CNTN6: variants seen among roughly 807,000 people sequenced by gnomAD.
CNTN6 encodes the protein contactin 6.
In CNTN6, 137 loss-of-function variants were observed where a neutral mutation model predicts 122.8. The observed-to-expected ratio is 1.12, with a 90% CI of 0.97 to 1.29. The LOEUF (loss-of-function observed/expected upper bound fraction) is 1.29. Among genes scored for constraint, CNTN6 ranks in the 50% most tolerant of loss-of-function variants. CNTN6 has a pLI of 0.00. For missense variants in CNTN6, 1,634 were observed against 1,223.4 expected, an observed-to-expected ratio of 1.34 and a Z score of -5.01; for synonymous variants, 570 against 426.0, an observed-to-expected ratio of 1.34 and a Z score of -4.16.
intron 12 of CNTN6, among the ~76,000 whole-genome samples, chr3:1,371,539 C>T (rs547625376): frequency 3.3e-5 from 5 of 152,078 alleles, no homozygotes; most frequent in Middle Eastern, 3.4e-3. Flanking sequence ...GTAGTCATAA[C>T]GATCTACATT....
intron 2 of CNTN6, among the ~76,000 whole-genome samples, chr3:1,163,617 T>G (rs1419777084): frequency 6.6e-6 from 1 of 152,282 alleles, no homozygotes; most frequent in Middle Eastern, 3.4e-3. Flanking sequence ...GAGGTTTTGC[T>G]ATGCTGCCCA....
At position 1,346,991 on chromosome 3, in the gene CNTN6, T is replaced by G. The variant is rs75509566; in HGVS notation, c.1365-5333T>G. 3.3e-4 allele frequency among the ~76,000 whole-genome samples: 50 copies of G among 152,306 alleles called. No individual in the cohort carries two copies. In the East Asian group the frequency reaches 9.3e-3, roughly 28 times the overall value. On this transcript the variant is annotated intron_variant, in intron 11 of 22. Transcript: ENST00000446702. ...TTCCCTGACAGTGGGAAGATTAAAA[T>G]GTCGCATGTTCAGCTGCTCTTTAAA...
At chr3:1,299,134 G>T (rs1696778353) in intron 7 of CNTN6, among the ~76,000 whole-genome samples, 2 of 152,054 alleles carry the variant, frequency 1.3e-5, no homozygotes, top group Admixed American at 6.5e-5. Context: ...TATTTTCATA[G>T]AGTATGGGTC....
intron 17 of CNTN6, 144 bp downstream of exon 17, chr3:1,377,219 A>T: frequency 1.9e-6 from 1 of 533,522 alleles, no homozygotes; most frequent in Non-Finnish European, 3.2e-6. Flanking sequence ...ATGATGAATT[A>T]TTTAGAGGAG....
intron 2 of CNTN6, among the ~76,000 whole-genome samples, chr3:1,155,622 T>C (rs577738903): frequency 3.9e-5 from 6 of 152,344 alleles, no homozygotes; most frequent in African/African-American, 1.4e-4. Flanking sequence ...GAGTAGAACA[T>C]TTAACATACA....
intron 2 of CNTN6, among the ~76,000 whole-genome samples, chr3:1,167,078 G>A (rs930895838): frequency 4.0e-5 from 6 of 150,822 alleles, no homozygotes; most frequent in Non-Finnish European, 8.8e-5. Context: ...GTGGTTGTGA[G>A]AGAACAGTGC....
intron 2 of CNTN6, among the ~76,000 whole-genome samples, chr3:1,187,199 C>T (rs1559478604): frequency 6.6e-6 from 1 of 151,924 alleles, no homozygotes; most frequent in East Asian, 1.9e-4. Context: ...CTTTGGGAGG[C>T]AAGCAACTCA....
At chr3:1,265,904 A>G (rs2094918661) in intron 4 of CNTN6, among the ~76,000 whole-genome samples, 1 of 152,180 alleles carries the variant, frequency 6.6e-6, no homozygotes, top group Non-Finnish European at 1.5e-5. Flanking sequence ...TTTTTTAATG[A>G]GTAAATTTGT....
intron 2 of CNTN6, among the ~76,000 whole-genome samples, chr3:1,196,567 T>C (rs1018658993): frequency 1.3e-5 from 2 of 152,162 alleles, no homozygotes; most frequent in African/African-American, 2.4e-5. Context: ...TGAAGTGTTA[T>C]GATGAGGGTT....
At chr3:1,283,656 A>C (rs1346848701) in intron 5 of CNTN6, among the ~76,000 whole-genome samples, 1 of 152,176 alleles carries the variant, frequency 6.6e-6, no homozygotes, top group African/African-American at 2.4e-5. Context: ...ATGTAGTAAT[A>C]GTTTCACTTT....
chr3:1,121,275 C>T (rs770176372), intron 1 of CNTN6, among the ~76,000 whole-genome samples: 11 of 150,584 alleles, frequency 7.3e-5, no homozygotes, highest in Non-Finnish European at 1.2e-4. Context: ...TTGATAGGAG[C>T]TTCAGGGAAA....
chr3:1,218,423 G>C (rs1459883270), intron 2 of CNTN6, among the ~76,000 whole-genome samples: 3 of 152,246 alleles, frequency 2.0e-5, no homozygotes, highest in Admixed American at 6.5e-5. Flanking sequence ...GGTGAAGGAG[G>C]ACATCCACAC....
chr3:1,150,071 A>G (rs1212039908), intron 2 of CNTN6, among the ~76,000 whole-genome samples: 1 of 145,492 alleles, frequency 6.9e-6, no homozygotes, highest in Non-Finnish European at 1.5e-5. Flanking sequence ...AAGTAGCCAT[A>G]GCTACTTAAA....
At chr3:1,388,851 G>T (rs1179851178) in intron 20 of CNTN6, among the ~76,000 whole-genome samples, 41 of 144,912 alleles carry the variant, frequency 2.8e-4, no homozygotes, top group African/African-American at 1.0e-3. Context: ...AGCAAGAAGG[G>T]AAGTTTAGAG....
chr3:1,140,034 C>T (rs1662238617), intron 1 of CNTN6, among the ~76,000 whole-genome samples: 1 of 152,148 alleles, frequency 6.6e-6, no homozygotes, highest in Admixed American at 6.6e-5. Flanking sequence ...AACAATATCA[C>T]CCACTTATTT....
intron 4 of CNTN6, among the ~76,000 whole-genome samples, chr3:1,272,644 G>A (rs2095045416): frequency 6.6e-6 from 1 of 151,994 alleles, no homozygotes; most frequent in Non-Finnish European, 1.5e-5. Flanking sequence ...AGCTTTTCAG[G>A]TGCTGTCTTC....
At position 1,388,204 on chromosome 3, in the gene CNTN6, G is replaced by T. The variant is rs1297151329; in HGVS notation, c.2704+2407G>T. On this transcript the variant is annotated intron_variant, in intron 20 of 22. Transcript: ENST00000446702. ...AGAGCACTGGTTCTCCCAGCATGCAGCTGGAGATCTGAGAACTGGCACACT... is the reference window on the plus strand; with the variant it reads ...AGAGCACTGGTTCTCCCAGCATGCATCTGGAGATCTGAGAACTGGCACACT... Among the ~76,000 whole-genome samples, 2 of 150,268 alleles carry T rather than the reference G, an allele frequency of 1.3e-5. 1 individual carries two copies. The highest frequency in any genetic ancestry group is 3.0e-5 in the Non-Finnish European group (2 of 67,448).
rs147306241 is a variant in CNTN6 at position 1,366,952 on chromosome 3, A to G, written c.1493-5347A>G. ...TATTTTTCACACTGCAGATAATGGT[A>G]TGTCATCATATCACTCCTCTGCTTC... is the stretch of plus-strand genomic sequence containing the variant. On this transcript the variant is annotated intron_variant, in intron 12 of 22. Coordinates refer to ENST00000446702, the MANE Select transcript of CNTN6 (RefSeq NM_001289080.2). Among the ~76,000 whole-genome samples the G allele has an allele frequency of 1.7e-3, 256 of 152,270 alleles. 1 individual carries two copies. Among genetic ancestry groups the G allele is most frequent in the African/African-American group, 5.8e-3 (242 of 41,550 alleles).
chr3:1,381,970 G>A (rs202094461), intron 17 of CNTN6, among the ~76,000 whole-genome samples: 2 of 152,060 alleles, frequency 1.3e-5, no homozygotes, highest in Non-Finnish European at 2.9e-5. Flanking sequence ...CAAGTGGCAA[G>A]TAGATAGTGT....
Sources: allele counts gnomAD v4.1 joint callset (sites outside exome capture counted in the v4.1 genomes callset), GRCh38; gene constraint gnomAD v4.1.1; transcripts MANE v1.5; gene names NCBI Gene and HGNC (gene_info 2026-07-23, HGNC 2026-07-21).